The following KIRREL3 variants were observed in gnomAD, a reference collection of about 807,000 sequenced individuals.
KIRREL3 encodes kin of IRRE-like protein 3.
A neutral mutation model predicts 89.7 loss-of-function variants in KIRREL3; 36 were observed. The ratio of observed to expected loss-of-function variants is 0.40; its 90% CI spans 0.31 to 0.53. KIRREL3 has a LOEUF of 0.53. Among genes scored for constraint, KIRREL3 ranks in the 20% least tolerant of loss-of-function variants. KIRREL3 has a pLI of 0.49. For synonymous variants in KIRREL3, 445 were observed against 441.4 expected (o/e 1.01, Z -0.10); for missense variants, 864 against 1,056.6 (o/e 0.82, Z 2.53).
chr11:126,660,750 T>C (rs747026452), intron 1 of KIRREL3, among the ~76,000 whole-genome samples: 1 of 152,178 alleles, frequency 6.6e-6, no homozygotes, highest in Non-Finnish European at 1.5e-5. Flanking sequence ...AGCTAGAACA[T>C]GCACTGACTC....
chr11:126,572,050 A>G (rs1441848958), intron 1 of KIRREL3, among the ~76,000 whole-genome samples: 1 of 152,226 alleles, frequency 6.6e-6, no homozygotes, highest in East Asian at 1.9e-4. Flanking sequence ...GAATGGGGCC[A>G]GATGCTCGAC....
In KIRREL3 at chr11:126,999,403, AG is replaced by A. The variant is rs2135304926; in HGVS notation, c.55+1051del. On this transcript the variant is annotated intron_variant, in intron 1 of 16. Transcript: ENST00000525144. This position sits in a 1 kb window ranked among gnomAD's most constrained non-coding sequence, Gnocchi z 5.7. The stretch of plus-strand genomic sequence containing the variant: ...CAGAAGACATGCTGTTTGCTTGCAA[AG>A]CCAGCCACCCATGGCAGTGCTTTGC... Among the ~76,000 whole-genome samples, 1 of 152,342 alleles carries A rather than the reference AG, an allele frequency of 6.6e-6. No individual in the cohort carries two copies. The highest frequency in any genetic ancestry group is 1.5e-5 in the Non-Finnish European group (1 of 68,030).
intron 1 of KIRREL3, among the ~76,000 whole-genome samples, chr11:126,700,509 G>A (rs986160291): frequency 6.6e-6 from 1 of 152,144 alleles, no homozygotes; most frequent in African/African-American, 2.4e-5. Context: ...ACTTTTAATG[G>A]CAAAACTGCA....
At position 126,576,518 on chromosome 11, in the gene KIRREL3, T is replaced by C. The variant is rs1022707099; in HGVS notation, c.56-13606A>G. Among the ~76,000 whole-genome samples, 1 of 152,200 alleles carries C rather than the reference T, an allele frequency of 6.6e-6. No individual in the cohort carries two copies. Among genetic ancestry groups the C allele is most frequent in the East Asian group, 1.9e-4 (1 of 5,194 alleles). ...TAGTTCCTTTCCCTTACACGTAATT[T>C]AGAGGTAGGAAGTTTCATGTGGGTT... On this transcript the variant is annotated intron_variant, in intron 1 of 16. Transcript: ENST00000525144. This position sits in a 1 kb window ranked among gnomAD's most constrained non-coding sequence, Gnocchi z 5.4.
Position 126,837,514 on chromosome 11 carries a change from G to A in KIRREL3, c.55+162941C>T, listed in dbSNP as rs897347478. 2.9e-4 allele frequency among the ~76,000 whole-genome samples: 44 copies of A among 152,092 alleles called. No individual in the cohort carries two copies. Among genetic ancestry groups the A allele is most frequent in the Admixed American group, 3.9e-4 (6 of 15,258 alleles). ...CTTCCACAATAATTACGAGGGAATC[G>A]GATCTTGTCTAGGACACAGGTCCAG... is the stretch of plus-strand genomic sequence containing the variant. On this transcript the variant is annotated intron_variant, in intron 1 of 16. Coordinates refer to ENST00000525144, the MANE Select transcript of KIRREL3 (RefSeq NM_032531.4). This position sits in a 1 kb window ranked among gnomAD's most constrained non-coding sequence, Gnocchi z 4.7.
rs925106956 is a variant in KIRREL3, at chr11:126,903,669, A to T, written c.55+96786T>A. Among the ~76,000 whole-genome samples, 2 of 152,234 alleles carry T rather than the reference A, an allele frequency of 1.3e-5. No individual in the cohort carries two copies. The highest frequency in any genetic ancestry group is 2.9e-5 in the Non-Finnish European group (2 of 68,046). On this transcript the variant is annotated intron_variant, in intron 1 of 16. Transcript: ENST00000525144. This position sits in a 1 kb window ranked among gnomAD's most constrained non-coding sequence, Gnocchi z 4.5. ...ACATTTGGTCTATTGGATTTATGAC[A>T]TGTTCAGAAGCTTGCAGTTGCAGGA...
intron 1 of KIRREL3, among the ~76,000 whole-genome samples, chr11:126,634,503 G>C (rs994109491): frequency 2.6e-5 from 4 of 152,164 alleles, no homozygotes; most frequent in Non-Finnish European, 4.4e-5. Flanking sequence ...GCAGCTAATG[G>C]ACTCGGAACA....
rs1565315405 is a variant in KIRREL3 at position 126,808,637 on chromosome 11, T to C, written c.55+191818A>G. On this transcript the variant is annotated intron_variant, in intron 1 of 16. Transcript: ENST00000525144. The surrounding 1 kb of genome is among the most constrained non-coding windows in gnomAD (Gnocchi z 4.1). The stretch of plus-strand genomic sequence containing the variant: ...GGAGCCAAATGGGCGGGGGCCTTTT[T>C]CTGCGCTTTTTAACCATCTCAGATT... Among the ~76,000 whole-genome samples, 1 of 152,250 alleles carries C rather than the reference T, an allele frequency of 6.6e-6. No individual in the cohort carries two copies. Among genetic ancestry groups the C allele is most frequent in the East Asian group, 1.9e-4 (1 of 5,198 alleles).
intron 1 of KIRREL3, among the ~76,000 whole-genome samples, chr11:126,894,879 T>G (rs1946087746): frequency 6.6e-6 from 1 of 152,152 alleles, no homozygotes; most frequent in Admixed American, 6.5e-5. Flanking sequence ...TGCTGAGCTC[T>G]GAGGGATGAC....
rs1050304710 is a variant in KIRREL3, at chr11:126,601,981, C to T, written c.56-39069G>A. ...CTCTTTGATTTGCCTGACAGAGTCACAGAAGCTGACCGCTGCGAGGCAGGG... is the reference window on the plus strand; with the variant it reads ...CTCTTTGATTTGCCTGACAGAGTCATAGAAGCTGACCGCTGCGAGGCAGGG... On this transcript the variant is annotated intron_variant, in intron 1 of 16. Transcript: ENST00000525144. The surrounding 1 kb of genome is among the most constrained non-coding windows in gnomAD (Gnocchi z 5.8). Among the ~76,000 whole-genome samples the T allele has an allele frequency of 5.3e-4, 80 of 152,192 alleles. 1 individual carries two copies. The highest frequency in any genetic ancestry group is 5.2e-3 in the Admixed American group (79 of 15,284).
intron 1 of KIRREL3, among the ~76,000 whole-genome samples, chr11:126,934,209 A>G (rs1474950848): frequency 1.3e-5 from 2 of 152,182 alleles, no homozygotes; most frequent in Non-Finnish European, 2.9e-5. Context: ...AGATAATTCA[A>G]TGGAAGAATA....
rs1950099358 is a variant in KIRREL3 at position 126,993,580 on chromosome 11, G to A, written c.55+6875C>T. ...CCATCATATTGTAACCTTAATCGAA[G>A]TGTCTGCTCCCCAACCAGACTAAGA... On this transcript the variant is annotated intron_variant, in intron 1 of 16. Transcript: ENST00000525144. This position sits in a 1 kb window ranked among gnomAD's most constrained non-coding sequence, Gnocchi z 6.1. 6.6e-6 allele frequency among the ~76,000 whole-genome samples: 1 copy of A among 152,158 alleles called. No individual in the cohort carries two copies. The highest frequency in any genetic ancestry group is 1.5e-5 in the Non-Finnish European group (1 of 68,038).
In KIRREL3 at chr11:126,739,330, C is replaced by G. The variant is rs2044216310; in HGVS notation, c.56-176418G>C. Among the ~76,000 whole-genome samples the G allele has an allele frequency of 1.3e-5, 2 of 152,240 alleles. No individual in the cohort carries two copies. Among genetic ancestry groups the G allele is most frequent in the Admixed American group, 1.3e-4 (2 of 15,288 alleles). The stretch of plus-strand genomic sequence containing the variant: ...GCTTCTCTGCAAATTGCTTCATCCT[C>G]CTCTGCATAACACCCTTGTGTAGGA... On this transcript the variant is annotated intron_variant, in intron 1 of 16. Transcript: ENST00000525144. This position sits in a 1 kb window ranked among gnomAD's most constrained non-coding sequence, Gnocchi z 5.5.
intron 1 of KIRREL3, among the ~76,000 whole-genome samples, chr11:126,737,715 T>A (rs942865900): frequency 9.2e-5 from 14 of 152,222 alleles, no homozygotes; most frequent in Non-Finnish European, 1.9e-4. Flanking sequence ...TTTCGGTTTC[T>A]TAATTCTAAA....
chr11:126,880,950 C>G (rs1945472175), intron 1 of KIRREL3, among the ~76,000 whole-genome samples: 2 of 152,182 alleles, frequency 1.3e-5, no homozygotes, highest in African/African-American at 2.4e-5. Flanking sequence ...CATGTAATTA[C>G]TTTTCCAATG....
In KIRREL3 at chr11:126,442,820, C is replaced by T. The variant is rs1591539966; in HGVS notation, c.1252+2159G>A. ...TCCAGGTGTGTGAGGCCACCCTAGTCAAGAAATAAACAAGCAGCTTCTTTG... is the reference window on the plus strand; with the variant it reads ...TCCAGGTGTGTGAGGCCACCCTAGTTAAGAAATAAACAAGCAGCTTCTTTG... On this transcript the variant is annotated intron_variant, in intron 10 of 16. Transcript: ENST00000525144. Among the ~76,000 whole-genome samples the T allele has an allele frequency of 2.0e-5, 3 of 152,340 alleles. No homozygotes were observed. In the South Asian group the frequency reaches 6.2e-4, roughly 32 times the overall value.
intron 1 of KIRREL3, among the ~76,000 whole-genome samples, chr11:126,864,092 G>T (rs552527453): frequency 6.6e-6 from 1 of 152,236 alleles, no homozygotes; most frequent in South Asian, 2.1e-4. Flanking sequence ...TGAAGAGAGG[G>T]TCTGACCAGA....
In KIRREL3 at chr11:126,729,481, G is replaced by A. The variant is rs574771066; in HGVS notation, c.56-166569C>T. ...GCCCAGAGTCCTCCAGAGTCACAGG[G>A]GGAGTCAAAGGGTCAATAGGTGCTT... On this transcript the variant is annotated intron_variant, in intron 1 of 16. Coordinates refer to ENST00000525144, the MANE Select transcript of KIRREL3 (RefSeq NM_032531.4). The surrounding 1 kb of genome is among the most constrained non-coding windows in gnomAD (Gnocchi z 4.5). Among the ~76,000 whole-genome samples, 4 of 152,300 alleles carry A rather than the reference G, an allele frequency of 2.6e-5. No individual in the cohort carries two copies. In the East Asian group the frequency reaches 7.7e-4, roughly 29 times the overall value.
chr11:126,721,193 C>T (rs1182470194), intron 1 of KIRREL3, among the ~76,000 whole-genome samples: 1 of 152,186 alleles, frequency 6.6e-6, no homozygotes, highest in African/African-American at 2.4e-5. Context: ...GGGGATGACA[C>T]TGCTTGTGCT....
Sources: allele counts gnomAD v4.1 joint callset (sites outside exome capture counted in the v4.1 genomes callset), GRCh38; gene constraint gnomAD v4.1.1; non-coding constraint Gnocchi (gnomAD v3.1); transcripts MANE v1.5; gene names NCBI Gene and HGNC (gene_info 2026-07-23, HGNC 2026-07-21).